HGF: variants seen among roughly 807,000 people sequenced by gnomAD.
The protein encoded by HGF is hepatocyte growth factor.
Under a neutral mutation model 111.6 loss-of-function variants are expected in HGF, and 39 were observed. The observed-to-expected ratio is 0.35, with a 90% confidence interval of 0.27 to 0.46. The LOEUF (loss-of-function observed/expected upper bound fraction) is 0.46, where lower values mean the gene tolerates loss of function less well. Ranked by LOEUF, HGF falls within the 20% of genes least tolerant of loss-of-function variation. The probability of loss-of-function intolerance (pLI) is 1.00; values close to 1 mark genes in which losing one functional copy is unlikely to be tolerated. For missense variants in HGF, 735 were observed against 910.5 expected (o/e 0.81, Z 2.48); for synonymous variants, 285 against 294.8 (o/e 0.97, Z 0.34).
intron 1 of HGF, among the ~76,000 whole-genome samples, chr7:81,769,106 T>A (rs1173015436): frequency 6.6e-6 from 1 of 152,048 alleles, no homozygotes; most frequent in African/African-American, 2.4e-5. Context: ...TACAACAAAA[T>A]ACAGATGTTT....
intron 5 of HGF, among the ~76,000 whole-genome samples, chr7:81,749,671 C>T (rs937640761): frequency 6.6e-6 from 1 of 151,918 alleles, no homozygotes; most frequent in African/African-American, 2.4e-5. Context: ...ATCTATTGAA[C>T]TTATTCCTCT....
chr7:81,719,399 C>G (rs1357761614), intron 10 of HGF, among the ~76,000 whole-genome samples: 2 of 152,156 alleles, frequency 1.3e-5, no homozygotes, highest in African/African-American at 2.4e-5. Flanking sequence ...GTCTGCTGCT[C>G]TTTGAAGTCC....
chr7:81,749,502 G>A (rs1376167112), intron 5 of HGF, among the ~76,000 whole-genome samples: 2 of 152,030 alleles, frequency 1.3e-5, no homozygotes, highest in East Asian at 1.9e-4. Flanking sequence ...ATGATGTTTT[G>A]AAGCATATAT....
intron 2 of HGF, among the ~76,000 whole-genome samples, chr7:81,760,158 T>C (rs1038864212): frequency 2.0e-5 from 3 of 152,230 alleles, no homozygotes; most frequent in Admixed American, 2.0e-4. Context: ...GTTTGACTTT[T>C]AGAGTCTTTA....
intron 4 of HGF, among the ~76,000 whole-genome samples, chr7:81,754,067 G>A (rs2116142297): frequency 6.6e-6 from 1 of 151,950 alleles, no homozygotes; most frequent in Admixed American, 6.6e-5. Flanking sequence ...GAATACTATA[G>A]CTCTCTTTTA....
At chr7:81,763,289 T>A (rs1789193041) in intron 1 of HGF, among the ~76,000 whole-genome samples, 1 of 152,182 alleles carries the variant, frequency 6.6e-6, no homozygotes. Context: ...TTTAATGAGA[T>A]AAGCCAACAC....
In HGF at chr7:81,762,792, G is replaced by A; in HGVS notation, c.169C>T (p.Leu57=). Residue 57 remains leucine (L), a synonymous_variant, in exon 2 of 18, where the codon CTG becomes TTG. Coordinates refer to ENST00000222390, the MANE Select transcript of HGF (RefSeq NM_000601.6). ...TTCACTTTTTTGGTTTTTATCTTCA[G>A]TGCTGGATCTATTTTGATTAGGGTA... is the stretch of plus-strand genomic sequence containing the variant. The part of the protein sequence containing the change: ...KTTLIKIDPA[L]KIKTKKVNTA... The A allele has an allele frequency of 1.2e-6, 2 of 1,605,720 alleles. No individual in the cohort carries two copies. The highest frequency in any genetic ancestry group is 1.1e-5 in the South Asian group (1 of 90,900).
intron 2 of HGF, 26 bp downstream of exon 2, chr7:81,762,681 T>G: frequency 1.3e-6 from 2 of 1,543,260 alleles, no homozygotes; most frequent in East Asian, 4.5e-5. Flanking sequence ...GGAAAATTAT[T>G]CTAAGAAGAA....
At chr7:81,742,297 C>A (rs1363048111) in intron 7 of HGF, among the ~76,000 whole-genome samples, 2 of 152,112 alleles carry the variant, frequency 1.3e-5, no homozygotes, top group African/African-American at 2.4e-5. Context: ...CTCGGCAGTA[C>A]CATAGTGTGG....
rs1788909954 is a variant in HGF at position 81,758,729 on chromosome 7, T to C, written c.330A>G (p.Lys110=). 6.2e-7 allele frequency: 1 copy of C among 1,612,476 alleles called. No homozygotes were observed. The highest frequency in any genetic ancestry group is 1.3e-5 in the African/African-American group (1 of 74,858). Residue 110 remains lysine, a synonymous_variant, in exon 3 of 18, where the codon AAA becomes AAG. Coordinates refer to ENST00000222390, the MANE Select transcript of HGF (RefSeq NM_000601.6). The part of the protein sequence containing the change: ...PFNSMSSGVK[K]EFGHEFDLYE... ...AGAGGTCAAATTCATGGCCAAATTC[T>C]TTTTTCACTCCACTTGACATGCTAT...
intron 10 of HGF, among the ~76,000 whole-genome samples, chr7:81,718,448 C>T (rs149251003): frequency 3.3e-5 from 5 of 152,230 alleles, no homozygotes; most frequent in South Asian, 2.1e-4. Context: ...GGGGTTTGAA[C>T]CCATGGCTAT....
chr7:81,745,543 A>G (rs1278039558), intron 5 of HGF, among the ~76,000 whole-genome samples: 1 of 152,260 alleles, frequency 6.6e-6, no homozygotes, highest in Non-Finnish European at 1.5e-5. Flanking sequence ...CACAGGAAAT[A>G]CAAAGTTTAA....
intron 13 of HGF, among the ~76,000 whole-genome samples, chr7:81,709,724 A>T (rs191671210): frequency 2.6e-5 from 4 of 152,338 alleles, no homozygotes; most frequent in African/African-American, 9.6e-5. Context: ...AAAAAGTCAG[A>T]AATTAAAAAC....
At chr7:81,748,751 A>G (rs1788375470) in intron 5 of HGF, among the ~76,000 whole-genome samples, 1 of 152,210 alleles carries the variant, frequency 6.6e-6, no homozygotes, top group African/African-American at 2.4e-5. Context: ...GTTTCTGTTC[A>G]TCGGTTCAAT....
chr7:81,730,627 C>T (rs917898798), intron 7 of HGF, among the ~76,000 whole-genome samples: 1 of 59,726 alleles, frequency 1.7e-5, no homozygotes, highest in African/African-American at 5.7e-5. Context: ...TTGAAACCCT[C>T]AGTCACTAAG....
chr7:81,747,496 G>A (rs975286253), intron 5 of HGF, among the ~76,000 whole-genome samples: 1 of 152,104 alleles, frequency 6.6e-6, no homozygotes, highest in Non-Finnish European at 1.5e-5. Flanking sequence ...TGATAGTAAA[G>A]GGAAGAGAGA....
chr7:81,767,452 T>G (rs549393379), intron 1 of HGF, among the ~76,000 whole-genome samples: 2 of 152,324 alleles, frequency 1.3e-5, no homozygotes, highest in East Asian at 3.9e-4. Context: ...AGATGTACTT[T>G]ACTACTTGGT....
rs144391393 is a variant in HGF at position 81,722,845 on chromosome 7, G to GTATATATATATATATATATATATA, written c.1169-1999_1169-1998insTATATATATATATATATATATATA. Reference sequence around the variant, plus strand: ...AAAAAAAAAAAAGAAATTTAAAAAGGTATATATATATATATATGTTGCATT... The same window carrying GTATATATATATATATATATATATA: ...AAAAAAAAAAAAGAAATTTAAAAAGGTATATATATATATATATATATATATATATATATATATATATGTTGCATT... On this transcript the variant is annotated intron_variant, in intron 9 of 17. Transcript: ENST00000222390. Among the ~76,000 whole-genome samples the GTATATATATATATATATATATATA allele has an allele frequency of 2.0e-3, 268 of 132,406 alleles. 5 individuals are homozygous for GTATATATATATATATATATATATA. Among genetic ancestry groups the GTATATATATATATATATATATATA allele is most frequent in the African/African-American group, 8.5e-3 (258 of 30,418 alleles). 86.9% of individuals were successfully genotyped at this position (132,406 alleles called of 152,430 possible).
intron 13 of HGF, among the ~76,000 whole-genome samples, chr7:81,709,694 T>G (rs973366442): frequency 2.6e-5 from 4 of 152,120 alleles, no homozygotes; most frequent in Non-Finnish European, 5.9e-5. Context: ...AAATTACCAT[T>G]TTTCATTTGA....
Sources: allele counts gnomAD v4.1 joint callset (sites outside exome capture counted in the v4.1 genomes callset), GRCh38; gene constraint gnomAD v4.1.1; transcripts MANE v1.5; gene names NCBI Gene and HGNC (gene_info 2026-07-23, HGNC 2026-07-21).